Variants in NUP85 observed in about 807,000 individuals in gnomAD.
NUP85 encodes the protein nuclear pore complex protein Nup85.
In NUP85, 23 loss-of-function variants were observed where a neutral mutation model predicts 92.8. That is an observed-to-expected ratio of 0.25 (90% CI 0.18 to 0.35). The LOEUF (loss-of-function observed/expected upper bound fraction) is 0.35. NUP85 is among the 10% of genes least tolerant of loss of function. The probability of loss-of-function intolerance (pLI) is 1.00; values close to 1 mark genes in which losing one functional copy is unlikely to be tolerated. For synonymous variants in NUP85, 314 were observed against 306.9 expected, an observed-to-expected ratio of 1.02 and a Z score of -0.24; for missense variants, 759 against 822.8, an observed-to-expected ratio of 0.92 and a Z score of 0.95.
chr17:75,231,314 T>C lies in NUP85; in HGVS notation c.1095-26T>C, dbSNP rs1191166729. 1 of 1,613,798 alleles carries C rather than the reference T, an allele frequency of 6.2e-7. No homozygotes were observed. Among genetic ancestry groups the C allele is most frequent in the Non-Finnish European group, 8.5e-7 (1 of 1,179,698 alleles). ...ACGCGGCCTGTGCCCTGATTTTCCT[T>C]CTTGCCTTGGTGTCTGAATCTGCAG... On this transcript the variant is annotated intron_variant, in intron 11 of 18. Coordinates refer to ENST00000245544, the MANE Select transcript of NUP85 (RefSeq NM_024844.5). The surrounding 1 kb of genome is among the most constrained non-coding windows in gnomAD (Gnocchi z 4.6).
chr17:75,209,087 G>T lies in NUP85; in HGVS notation c.127+467G>T, dbSNP rs1598262191. On this transcript the variant is annotated intron_variant, in intron 2 of 18. Coordinates refer to ENST00000245544, the MANE Select transcript of NUP85 (RefSeq NM_024844.5). The stretch of plus-strand genomic sequence containing the variant: ...GTTGAATCCCGGAAAAAAATTAATA[G>T]TTTTCATGAAAAATTTTCTTCATAT... 6.6e-5 allele frequency among the ~76,000 whole-genome samples: 10 copies of T among 152,220 alleles called. 2 individuals are homozygous for T. The highest frequency in any genetic ancestry group is 6.5e-4 in the Admixed American group (10 of 15,278).
intron 18 of NUP85, 60 bp from the exon 19 acceptor site, chr17:75,235,518 C>T (rs760604221): frequency 9.9e-6 from 12 of 1,216,244 alleles, no homozygotes; most frequent in South Asian, 3.7e-5. Context: ...CTAGACCCTT[C>T]GGGAGTGTGA....
chr17:75,230,959 T>C lies in NUP85; in HGVS notation c.1095-381T>C, dbSNP rs567717969. ...CGATTTTTTTTTTTTTGAGATATGG[T>C]TGTGCTCTCTCACCCAAGTTGGAGT... On this transcript the variant is annotated intron_variant, in intron 11 of 18. Coordinates refer to ENST00000245544, the MANE Select transcript of NUP85 (RefSeq NM_024844.5). Among the ~76,000 whole-genome samples, 3 of 147,954 alleles carry C rather than the reference T, an allele frequency of 2.0e-5. No homozygotes were observed. The Admixed American group carries it at 2.0e-4, about 10-fold the overall frequency.
At position 75,235,655 on chromosome 17, in the gene NUP85, A is replaced by G. The variant is rs755839910; in HGVS notation, c.1947A>G (p.Arg649=). The G allele has an allele frequency of 5.0e-6, 8 of 1,613,884 alleles. No homozygotes were observed. In the South Asian group the frequency reaches 8.8e-5, roughly 18 times the overall value. The stretch of plus-strand genomic sequence containing the variant: ...GAAATCTTGCTCGGGCAATTATAAG[A>G]GAAGGCTCACTGGAAGGTTCCTGAG... ...LARNLARAII[R]EGSLEGS The change falls in exon 19 of 19, where the codon AGA becomes AGG. Residue 649 remains arginine (R), a synonymous_variant. Transcript: ENST00000245544.
chr17:75,233,426 TTTTATTTTTTC>T (rs1386106979), intron 16 of NUP85, among the ~76,000 whole-genome samples: 1,368 of 50,532 alleles, frequency 0.027, 38 homozygotes, highest in African/African-American at 0.049. Context: ...TCTTCTTTTC[TTTTATTTTTTC>T]TTTTTTTTTT....
In NUP85 at chr17:75,207,849, G is replaced by A. The variant is rs149096233; in HGVS notation, c.34-678G>A. Among the ~76,000 whole-genome samples, 752 of 152,042 alleles carry A rather than the reference G, an allele frequency of 4.9e-3. 6 individuals carry two copies. Among genetic ancestry groups the A allele is most frequent in the Middle Eastern group, 0.01 (3 of 294 alleles). ...CTAAAAAAATACAAAAATTAGCCTG[G>A]TTTGGTGGCGCGTGCCTGTAATCCC... On this transcript the variant is annotated intron_variant, in intron 1 of 18. Transcript: ENST00000245544.
chr17:75,208,298 A>T (rs544853558), intron 1 of NUP85: 337 of 430,042 alleles, frequency 7.8e-4, no homozygotes, highest in African/African-American at 6.4e-3. Context: ...AAAAAAAAAT[A>T]GCCGGGTGTG....
chr17:75,227,243 T>C (rs2075834319), intron 11 of NUP85, among the ~76,000 whole-genome samples: 1 of 152,032 alleles, frequency 6.6e-6, no homozygotes, highest in Non-Finnish European at 1.5e-5. Flanking sequence ...TTTCTTGTTT[T>C]GGCCAAAAGA....
In NUP85 at chr17:75,234,699, C is replaced by G; in HGVS notation, c.1678C>G (p.Leu560Val). The G allele has an allele frequency of 6.2e-7, 1 of 1,614,172 alleles. No individual in the cohort carries two copies. Among genetic ancestry groups the G allele is most frequent in the South Asian group, 1.1e-5 (1 of 91,084 alleles). ...GCGTTTTGCCGACGCAGCTTCTCTC[C>G]TTCTGTCCTTGATGACGTCTCGGAT... ...EKRFADAASLLLSLMTSRIAP... is the reference protein window; with the variant it reads ...EKRFADAASLVLSLMTSRIAP... Residue 560 changes from leucine to valine, a missense_variant, in exon 17 of 19, where the codon CTT (leucine) becomes GTT (valine). By Grantham distance (32) the Leu-to-Val change is conservative (BLOSUM62 1). Transcript: ENST00000245544.
chr17:75,232,162 A>AG (rs2076087859), intron 14 of NUP85, 183 bp downstream of exon 14: 2 of 657,286 alleles, frequency 3.0e-6, no homozygotes, highest in Non-Finnish European at 5.1e-6. Context: ...CAGGAAAGCT[A>AG]GGGATCCACT....
intron 17 of NUP85, 147 bp from the exon 18 acceptor site, chr17:75,234,953 C>A: frequency 9.4e-7 from 1 of 1,061,912 alleles, no homozygotes; most frequent in Non-Finnish European, 1.5e-6. Flanking sequence ...AGGAAACAAA[C>A]ACTGCTTGAT....
intron 11 of NUP85, among the ~76,000 whole-genome samples, chr17:75,230,043 A>ATT (rs2075983932): frequency 1.2e-5 from 1 of 85,684 alleles, no homozygotes; most frequent in African/African-American, 3.1e-5. Context: ...AGGTGTACAA[A>ATT]ATTTTTTTTT....
Position 75,213,134 on chromosome 17 carries a change from CTTTATTGTT to C in NUP85, c.405+18_405+26del. On this transcript the variant is annotated intron_variant, in intron 5 of 18. Transcript: ENST00000245544. Reference sequence around the variant, plus strand: ...TCAGCAGCCAGGTAAGGGGAGTCACCTTTATTGTTTTAGCACCACTGTGTCCTGTGTCCT... The same window carrying C: ...TCAGCAGCCAGGTAAGGGGAGTCACCTTAGCACCACTGTGTCCTGTGTCCT... 1 of 1,612,848 alleles carries C rather than the reference CTTTATTGTT, an allele frequency of 6.2e-7. No individual in the cohort carries two copies. The highest frequency in any genetic ancestry group is 1.6e-4 in the Middle Eastern group (1 of 6,062).
intron 11 of NUP85, chr17:75,228,378 G>A: frequency 3.0e-6 from 3 of 985,410 alleles, no homozygotes; most frequent in Non-Finnish European, 3.6e-6. Flanking sequence ...GAAGGGATCT[G>A]AGCTCTGTTA....
At chr17:75,212,992 C>T in intron 4 of NUP85, 84 bp from the exon 5 acceptor site, 1 of 1,267,328 alleles carries the variant, frequency 7.9e-7, no homozygotes, top group Non-Finnish European at 1.1e-6. Flanking sequence ...AACAGAGGCT[C>T]AAGCCATAGA....
chr17:75,215,651 A>T, intron 5 of NUP85, 103 bp from the exon 6 acceptor site: 1 of 1,036,404 alleles, frequency 9.6e-7, no homozygotes, highest in Non-Finnish European at 1.5e-6. Context: ...CCTTTGGGTT[A>T]AGGAATGACT....
chr17:75,213,688 T>C (rs1240864371), intron 5 of NUP85, among the ~76,000 whole-genome samples: 1 of 152,036 alleles, frequency 6.6e-6, no homozygotes, highest in African/African-American at 2.4e-5. Context: ...AGATCACTGC[T>C]CGGTCTCATA....
chr17:75,231,141 C>A lies in NUP85; in HGVS notation c.1095-199C>A, dbSNP rs1288689891. ...ATGGGGTTTTGCCATGTTGCCCAGG[C>A]TGGTCTTAAATTCCTGGACTCAGGT... On this transcript the variant is annotated intron_variant, in intron 11 of 18. Transcript: ENST00000245544. This position sits in a 1 kb window ranked among gnomAD's most constrained non-coding sequence, Gnocchi z 4.6. 3.4e-6 allele frequency: 2 copies of A among 586,700 alleles called. No homozygotes were observed. Among genetic ancestry groups the A allele is most frequent in the South Asian group, 1.9e-5 (1 of 53,086 alleles). 36.3% of individuals were successfully genotyped at this position (586,700 alleles called of 1,614,324 possible).
chr17:75,234,979 C>T (rs755007791), intron 17 of NUP85, 121 bp from the exon 18 acceptor site: 28 of 1,037,904 alleles, frequency 2.7e-5, no homozygotes, highest in Non-Finnish European at 4.1e-5. Flanking sequence ...ATGAGGTATT[C>T]GTATACAAAG....
Sources: allele counts gnomAD v4.1 joint callset (sites outside exome capture counted in the v4.1 genomes callset), GRCh38; gene constraint gnomAD v4.1.1; non-coding constraint Gnocchi (gnomAD v3.1); transcripts MANE v1.5; gene names NCBI Gene and HGNC (gene_info 2026-07-23, HGNC 2026-07-21).